Variants in FFAR1 observed in about 807,000 individuals in gnomAD.
FFAR1 encodes G-protein coupled receptor 40.
For missense variants in FFAR1, 424 were observed against 396.2 expected, an observed-to-expected ratio of 1.07 and a Z score of -0.60; for synonymous variants, 216 against 201.5, an observed-to-expected ratio of 1.07 and a Z score of -0.61.
Position 35,352,055 on chromosome 19 carries a change from G to A in FFAR1, c.504G>A (p.Pro168=), listed in dbSNP as rs35289185. The A allele has an allele frequency of 4.7e-5, 76 of 1,613,642 alleles. No homozygotes were observed. The East Asian group carries it at 5.8e-4, about 12-fold the overall frequency. ...TCAACACACCGGTCAACGGCTCTCC[G>A]GTCTGCCTGGAGGCCTGGGACCCGG... The change falls in exon 1 of 1, where the codon CCG becomes CCA. Residue 168 remains proline, a synonymous_variant. Transcript: ENST00000246553.
exon 1 of FFAR1, chr19:35,352,775 A>C: frequency 2.5e-6 from 1 of 402,874 alleles, no homozygotes; most frequent in Non-Finnish European, 4.6e-6. Flanking sequence ...CCTTGTACTT[A>C]CGGGAAGGAG....
chr19:35,351,479 T>A, upstream of FFAR1: 1 of 1,407,504 alleles, frequency 7.1e-7, no homozygotes, highest in Non-Finnish European at 9.7e-7. Context: ...GCCCCTCCTC[T>A]CCGGGGCCCC....
upstream of FFAR1, chr19:35,351,419 G>A (rs185716928): frequency 2.3e-3 from 1,757 of 762,610 alleles, 4 homozygotes; most frequent in Non-Finnish European, 3.0e-3. Context: ...ATCCCACCAG[G>A]TGAATTGTAA....
exon 1 of FFAR1, chr19:35,351,754 C>G (rs759873868): frequency 1.3e-6 from 2 of 1,565,036 alleles, no homozygotes; most frequent in African/African-American, 2.7e-5. Context: ...GAGGCGCTAG[C>G]CTCCGGGGCC....
rs1312470855 is a variant in FFAR1 at position 35,352,494 on chromosome 19, C to T, written c.*40C>T. ...GGAAGGAGCATGGGGCAGGAGGGCC[C>T]GGCTGCTTCTCCAGGCCCCTGCGGG... On this transcript the variant is annotated 3_prime_UTR_variant, in exon 1 of 1. Coordinates refer to ENST00000246553, the Ensembl canonical transcript of FFAR1. 9 of 1,533,494 alleles carry T rather than the reference C, an allele frequency of 5.9e-6. No homozygotes were observed. In the East Asian group the frequency reaches 9.8e-5, roughly 17 times the overall value. The allele number at this position is 1,533,494 out of a possible 1,614,324, so 95.0% of individuals were successfully genotyped here.
exon 1 of FFAR1, chr19:35,352,359 G>T: frequency 6.4e-7 from 1 of 1,552,708 alleles, no homozygotes; most frequent in Non-Finnish European, 8.7e-7. Context: ...CTGGAGTGTG[G>T]TGCTTAATCC....
exon 1 of FFAR1, chr19:35,351,722 C>T (rs748785019): frequency 6.4e-7 from 1 of 1,564,522 alleles, no homozygotes. Context: ...TGCTGACAGT[C>T]TCTCTGCCCC....
upstream of FFAR1, among the ~76,000 whole-genome samples, chr19:35,351,218 G>A (rs1019718950): frequency 1.1e-4 from 16 of 152,256 alleles, no homozygotes; most frequent in Admixed American, 3.9e-4. Context: ...CTCAGAAATC[G>A]AGAAGCTTTC....
chr19:35,352,379 C>CA lies in FFAR1; in HGVS notation c.828_829insA (p.Gly277ArgfsTer74). On this transcript the variant is annotated frameshift_variant, in exon 1 of 1. Transcript: ENST00000246553. LOFTEE classifies it low-confidence loss of function (END_TRUNC). ...GTGTGGTGCTTAATCCGCTGGTGAC[C>CA]GGTTACTTGGGAAGGGGTCCTGGCC... 6.4e-7 allele frequency: 1 copy of CA among 1,553,646 alleles called. No individual in the cohort carries two copies. The highest frequency in any genetic ancestry group is 8.7e-7 in the Non-Finnish European group (1 of 1,148,236).
upstream of FFAR1, among the ~76,000 whole-genome samples, chr19:35,349,547 G>C (rs77465217): frequency 5.6e-3 from 846 of 152,344 alleles, 7 homozygotes; most frequent in African/African-American, 0.019. Context: ...AGAAAAAGGC[G>C]AGCATGGACC....
At chr19:35,353,301 T>C (rs1305623321) in exon 1 of FFAR1, 1 of 152,096 alleles carries the variant, frequency 6.6e-6, no homozygotes, top group African/African-American at 2.4e-5. Flanking sequence ...GGCAAGATAG[T>C]GAGACCCCCA....
exon 1 of FFAR1, chr19:35,352,331 G>C (rs765011486): frequency 5.2e-6 from 8 of 1,552,204 alleles, no homozygotes; most frequent in African/African-American, 4.1e-5. Flanking sequence ...GGCGGAAGCT[G>C]GGGCTCATCA....
exon 1 of FFAR1, chr19:35,352,902 G>A: frequency 4.7e-6 from 1 of 210,706 alleles, no homozygotes; most frequent in Non-Finnish European, 9.7e-6. Context: ...AGAGGAGGCA[G>A]GAGGCAGGAT....
Position 35,352,166 on chromosome 19 carries a change from C to T in FFAR1, c.615C>T (p.Cys205=), listed in dbSNP as rs747120023. 8.7e-6 allele frequency: 14 copies of T among 1,608,888 alleles called. 1 individual carries two copies. The Admixed American group carries it at 1.7e-4, about 19-fold the overall frequency. Residue 205 remains cysteine (C), a synonymous_variant, in exon 1 of 1, where the codon TGC becomes TGT. Transcript: ENST00000246553. Reference sequence around the variant, plus strand: ...TCACAGCCTTCTGCTACGTGGGCTGCCTCCGGGCACTGGCCCGCTCCGGCC... The same window carrying T: ...TCACAGCCTTCTGCTACGTGGGCTGTCTCCGGGCACTGGCCCGCTCCGGCC...
chr19:35,351,067 G>A (rs985277195), upstream of FFAR1, among the ~76,000 whole-genome samples: 5 of 152,142 alleles, frequency 3.3e-5, no homozygotes, highest in African/African-American at 7.2e-5. Context: ...CAATGTGGGT[G>A]GGGGGTGGGG....
chr19:35,352,161 G>T, exon 1 of FFAR1: 1 of 1,609,204 alleles, frequency 6.2e-7, no homozygotes, highest in Non-Finnish European at 8.5e-7. Flanking sequence ...CTGCTACGTG[G>T]GCTGCCTCCG....
chr19:35,348,947 C>A (rs937024153), upstream of FFAR1, among the ~76,000 whole-genome samples: 2 of 152,178 alleles, frequency 1.3e-5, no homozygotes, highest in African/African-American at 4.8e-5. Flanking sequence ...CTGACATAAA[C>A]CTACTACATG....
Position 35,352,000 on chromosome 19 carries a change from G to A in FFAR1, c.449G>A (p.Trp150Ter), listed in dbSNP as rs563513542. The change falls in exon 1 of 1, where the codon TGG becomes TAG. Residue 150 changes from tryptophan (W) to a stop codon, truncating the protein, a stop_gained. Coordinates refer to ENST00000246553, the Ensembl canonical transcript of FFAR1. LOFTEE classifies it low-confidence loss of function (END_TRUNC). Reference sequence around the variant, plus strand: ...TTTGGGTTGGAGGCTCCAGGAGGCTGGCTGGACCACAGCAACACCTCCCTG... The same window carrying A: ...TTTGGGTTGGAGGCTCCAGGAGGCTAGCTGGACCACAGCAACACCTCCCTG... 7.1e-5 allele frequency: 115 copies of A among 1,614,126 alleles called. 1 individual carries two copies. Among genetic ancestry groups the A allele is most frequent in the Non-Finnish European group, 8.6e-5 (101 of 1,179,990 alleles).
upstream of FFAR1, among the ~76,000 whole-genome samples, chr19:35,351,135 C>G (rs2066942521): frequency 1.3e-5 from 2 of 152,214 alleles, no homozygotes; most frequent in African/African-American, 4.8e-5. Flanking sequence ...GTCAAACTCC[C>G]ATTCCCAGGG....
Sources: allele counts gnomAD v4.1 joint callset (sites outside exome capture counted in the v4.1 genomes callset), GRCh38; gene constraint gnomAD v4.1.1; transcripts MANE v1.5; gene names NCBI Gene and HGNC (gene_info 2026-07-23, HGNC 2026-07-21).